MTA1: variants seen among roughly 807,000 people sequenced by gnomAD.
MTA1 encodes metastasis associated 1, also known as metastasis-associated protein MTA1.
MTA1 carries 15 observed loss-of-function variants against 97.0 expected under a neutral mutation model. The ratio of observed to expected loss-of-function variants is 0.15; its 90% CI spans 0.10 to 0.24. The LOEUF is 0.24. MTA1 is among the 10% of genes least tolerant of loss of function. The probability of loss-of-function intolerance (pLI) is 1.00; values close to 1 mark genes in which losing one functional copy is unlikely to be tolerated. For missense variants in MTA1, 709 were observed against 1,015.1 expected (o/e 0.70, Z 4.10); for synonymous variants, 435 against 417.5 (o/e 1.04, Z -0.51).
At chr14:105,427,829 G>C (rs1555422564) in intron 1 of MTA1, among the ~76,000 whole-genome samples, 1 of 151,898 alleles carries the variant, frequency 6.6e-6, no homozygotes, top group Non-Finnish European at 1.5e-5. Flanking sequence ...AGACCAACCT[G>C]ACCACACAGC....
intron 3 of MTA1, 110 bp downstream of exon 3, chr14:105,445,621 C>G: frequency 9.2e-7 from 1 of 1,090,738 alleles, no homozygotes; most frequent in Non-Finnish European, 1.4e-6. Flanking sequence ...CGTGGGGCCA[C>G]CCTCTGCCCA....
intron 16 of MTA1, chr14:105,465,399 G>A (rs2083531360): frequency 1.3e-5 from 5 of 398,932 alleles, no homozygotes; most frequent in Admixed American, 8.2e-5. Flanking sequence ...TCGTGATGGG[G>A]CCCAGTGCGG....
chr14:105,442,436 C>T (rs1208182081), intron 2 of MTA1, among the ~76,000 whole-genome samples: 1 of 152,224 alleles, frequency 6.6e-6, no homozygotes, highest in East Asian at 1.9e-4. Context: ...GGAGGGGCCT[C>T]GCAGGCGCCC....
chr14:105,445,739 T>C (rs945869758), intron 3 of MTA1: 6 of 660,194 alleles, frequency 9.1e-6, no homozygotes, highest in African/African-American at 1.8e-5. Flanking sequence ...CCCGGAGTGG[T>C]CTGTCTCTCA....
At position 105,460,808 on chromosome 14, in the gene MTA1, C is replaced by A; in HGVS notation, c.797C>A (p.Ser266Tyr). 6.2e-7 allele frequency: 1 copy of A among 1,610,076 alleles called. No individual in the cohort carries two copies. Among genetic ancestry groups the A allele is most frequent in the Non-Finnish European group, 8.5e-7 (1 of 1,178,410 alleles). ...DTLHKNIYDISKAISALVPQG... is the reference protein window; with the variant it reads ...DTLHKNIYDIYKAISALVPQG... ...CTCCACAAGAACATCTACGACATCT[C>A]CAAGGCCATCTCGGCGCTGGTGCCG... The change falls in exon 10 of 21, where the codon TCC becomes TAC. Residue 266 changes from serine (S) to tyrosine (Y), a missense_variant. Physicochemically the swap from Ser to Tyr is moderately radical, Grantham distance 144 (BLOSUM62 -2). Transcript: ENST00000331320.
rs112290277 is a variant in MTA1, at chr14:105,444,735, G to A, written c.97-683G>A. Among the ~76,000 whole-genome samples the A allele has an allele frequency of 8.7e-3, 1,305 of 150,434 alleles. 7 individuals carry two copies. The highest frequency in any genetic ancestry group is 0.013 in the Non-Finnish European group (899 of 67,832). On this transcript the variant is annotated intron_variant, in intron 2 of 20. Coordinates refer to ENST00000331320, the MANE Select transcript of MTA1 (RefSeq NM_004689.4). ...GAACCCAGGAGGCAGAGGTTGCAGT[G>A]AGCCAAGATCACAACACTGCACTCC...
In MTA1 at chr14:105,470,237, GC is replaced by G; in HGVS notation, c.*28del. On this transcript the variant is annotated 3_prime_UTR_variant, in exon 21 of 21. Transcript: ENST00000331320. ...CTAGGGGCCGCCCCCACCTGCGGCC[GC>G]CCCCCGCCCCTCGCCCGCCCACACG... The G allele has an allele frequency of 7.0e-7, 1 of 1,437,074 alleles. No homozygotes were observed. 89.0% of individuals were successfully genotyped at this position (1,437,074 alleles called of 1,614,324 possible). A position where few individuals can be genotyped will look rare whatever the true frequency, so the allele number is the denominator to read the frequency against.
chr14:105,455,537 T>G (rs933050285), intron 7 of MTA1, among the ~76,000 whole-genome samples: 3 of 152,212 alleles, frequency 2.0e-5, no homozygotes, highest in Non-Finnish European at 4.4e-5. Context: ...TCAAGGCGTT[T>G]CGTGCTTGTC....
chr14:105,423,212 T>G (rs2081902369), intron 1 of MTA1, among the ~76,000 whole-genome samples: 1 of 150,038 alleles, frequency 6.7e-6, no homozygotes, highest in South Asian at 2.1e-4. Flanking sequence ...TTTTTTTTGT[T>G]TAATTTTTTT....
At chr14:105,423,201 AT>A (rs1232924164) in intron 1 of MTA1, among the ~76,000 whole-genome samples, 2 of 132,684 alleles carry the variant, frequency 1.5e-5, no homozygotes, top group African/African-American at 2.8e-5. Context: ...CATCTTTTGG[AT>A]TTTTTTTGTT....
intron 1 of MTA1, among the ~76,000 whole-genome samples, chr14:105,437,896 G>GGTA (rs1284404635): frequency 6.6e-6 from 1 of 152,232 alleles, no homozygotes; most frequent in African/African-American, 2.4e-5. Context: ...GGCCTTCCAG[G>GGTA]GTAAGCCTCT....
chr14:105,464,177 C>T (rs781996399), intron 13 of MTA1, 30 bp downstream of exon 13: 11 of 1,584,842 alleles, frequency 6.9e-6, no homozygotes, highest in South Asian at 2.2e-5. Context: ...GGGGGCACAC[C>T]GCACGCCCGC....
rs1332587049 is a variant in MTA1, at chr14:105,422,089, C to T, written c.28+2026C>T. Reference sequence around the variant, plus strand: ...CTTCTGCGTGTGCAGTCCGTGGTCACTGTGGCCGGGTGTGCTCGGAGCTGT... The same window carrying T: ...CTTCTGCGTGTGCAGTCCGTGGTCATTGTGGCCGGGTGTGCTCGGAGCTGT... On this transcript the variant is annotated intron_variant, in intron 1 of 20. Coordinates refer to ENST00000331320, the MANE Select transcript of MTA1 (RefSeq NM_004689.4). The surrounding 1 kb of genome is among the most constrained non-coding windows in gnomAD (Gnocchi z 4.3). Among the ~76,000 whole-genome samples the T allele has an allele frequency of 6.6e-6, 1 of 152,216 alleles. No individual in the cohort carries two copies. Among genetic ancestry groups the T allele is most frequent in the Non-Finnish European group, 1.5e-5 (1 of 68,032 alleles).
chr14:105,458,117 G>C (rs1555430249), intron 7 of MTA1, among the ~76,000 whole-genome samples, 153 bp from the exon 8 acceptor site: 2 of 152,030 alleles, frequency 1.3e-5, no homozygotes, highest in Non-Finnish European at 2.9e-5. Context: ...GTGTGCAACA[G>C]CCTCCGTCCA....
rs782147950 is a variant in MTA1 at position 105,458,297 on chromosome 14, G to T, written c.578G>T (p.Arg193Met). Residue 193 changes from arginine to methionine, a missense_variant, in exon 8 of 21, where the codon AGG (arginine) becomes ATG (methionine). By Grantham distance (91) the Arg-to-Met change is moderately conservative (BLOSUM62 -1). Transcript: ENST00000331320. The stretch of plus-strand genomic sequence containing the variant: ...GAGGAGGATGGCCGAGACCAGTCCA[G>T]GTTGGAGACCCAGGTGTGGGAGGCG... ...EGEEDGRDQS[R>M]LETQVWEAHN... 1.2e-6 allele frequency: 2 copies of T among 1,612,708 alleles called. No homozygotes were observed. Among genetic ancestry groups the T allele is most frequent in the Non-Finnish European group, 1.7e-6 (2 of 1,179,918 alleles).
chr14:105,433,253 C>T (rs1372923293), intron 1 of MTA1, among the ~76,000 whole-genome samples: 4 of 152,122 alleles, frequency 2.6e-5, no homozygotes, highest in African/African-American at 9.7e-5. Flanking sequence ...TGGCGTATTT[C>T]CAAGCAGGGA....
chr14:105,442,101 C>T (rs1017810010), intron 2 of MTA1, among the ~76,000 whole-genome samples: 5 of 152,128 alleles, frequency 3.3e-5, no homozygotes, highest in Admixed American at 1.3e-4. Flanking sequence ...AGAGAAGGAG[C>T]GAGCAAAGCA....
At chr14:105,437,091 A>G (rs1173916958) in intron 1 of MTA1, among the ~76,000 whole-genome samples, 1 of 152,170 alleles carries the variant, frequency 6.6e-6, no homozygotes, top group Non-Finnish European at 1.5e-5. Flanking sequence ...GTGGAGCTCT[A>G]TGTGGGCGTA....
Position 105,463,039 on chromosome 14 carries a change from G to A in MTA1, c.943-145G>A. ...CCCTCTGCACCTGCCTGCCAGCAGGGGCCTGGCCTCCGTGCACCAAGCACA... is the reference window on the plus strand; with the variant it reads ...CCCTCTGCACCTGCCTGCCAGCAGGAGCCTGGCCTCCGTGCACCAAGCACA... On this transcript the variant is annotated intron_variant, in intron 10 of 20. Transcript: ENST00000331320. This position sits in a 1 kb window ranked among gnomAD's most constrained non-coding sequence, Gnocchi z 5.9. 1.3e-6 allele frequency: 1 copy of A among 762,250 alleles called. No individual in the cohort carries two copies. The highest frequency in any genetic ancestry group is 2.2e-6 in the Non-Finnish European group (1 of 453,796). 47.2% of individuals were successfully genotyped at this position (762,250 alleles called of 1,614,324 possible).
Sources: gnomAD v4.1 joint callset for allele counts (sites outside exome capture counted in the v4.1 genomes callset) on GRCh38, gnomAD v4.1.1 for gene constraint, Gnocchi (gnomAD v3.1) non-coding constraint, MANE v1.5 for transcripts, NCBI Gene and HGNC (gene_info 2026-07-23, HGNC 2026-07-21) for gene names.